PAX8: variants seen among roughly 807,000 people sequenced by gnomAD.
PAX8 encodes paired box protein Pax-8.
Under a neutral mutation model 52.4 loss-of-function variants are expected in PAX8, and 15 were observed. The observed-to-expected ratio is 0.29, with a 90% CI of 0.19 to 0.44. The LOEUF (loss-of-function observed/expected upper bound fraction) is 0.44. PAX8 is among the 20% of genes least tolerant of loss of function. The pLI, the probability that PAX8 is intolerant of heterozygous loss-of-function variation, is 1.00. For missense variants in PAX8, 554 were observed against 602.5 expected (o/e 0.92, Z 0.84); for synonymous variants, 284 against 249.7 (o/e 1.14, Z -1.29).
At chr2:113,256,616 G>GTA (rs1442506978) in intron 2 of PAX8, among the ~76,000 whole-genome samples, 4 of 69,716 alleles carry the variant, frequency 5.7e-5, no homozygotes, top group African/African-American at 3.1e-4. Flanking sequence ...ATGTGTGTGT[G>GTA]TATATATATA....
intron 9 of PAX8, 63 bp downstream of exon 9, chr2:113,235,331 C>T: frequency 7.1e-7 from 1 of 1,405,146 alleles, no homozygotes; most frequent in Non-Finnish European, 9.7e-7. Flanking sequence ...TGGCGGTCTG[C>T]CCTGAGGACC....
intron 3 of PAX8, among the ~76,000 whole-genome samples, chr2:113,245,069 C>A (rs963336273): frequency 2.7e-5 from 4 of 148,142 alleles, no homozygotes; most frequent in Non-Finnish European, 4.5e-5. Context: ...TTTTTTGAGA[C>A]AGGGTCTCAA....
rs1309181656 is a variant in PAX8, at chr2:113,218,614, A to G, written c.1277-5T>C. 1.3e-6 allele frequency: 2 copies of G among 1,546,926 alleles called. No individual in the cohort carries two copies. The highest frequency in any genetic ancestry group is 2.7e-5 in the African/African-American group (2 of 72,938). On this transcript the variant is annotated splice_polypyrimidine_tract_variant and splice_region_variant and intron_variant, in intron 11 of 11. Transcript: ENST00000429538. ...AACTGTAATAATATGGGGAACCTGG[A>G]CACATTAAAAAAAAATAACAACAAC...
Position 113,278,881 on chromosome 2 carries a change from C to T in PAX8, c.-126G>A, listed in dbSNP as rs1172903051. The stretch of plus-strand genomic sequence containing the variant: ...CTGCTTGGGTCCGCCCGCGAGGGTG[C>T]CCTGGGCCCGGTGTCTCTCCTCCTT... On this transcript the variant is annotated 5_prime_UTR_variant, in exon 1 of 12. Coordinates refer to ENST00000429538, the MANE Select transcript of PAX8 (RefSeq NM_003466.4). The T allele has an allele frequency of 2.8e-6, 3 of 1,056,750 alleles. No homozygotes were observed. The highest frequency in any genetic ancestry group is 1.0e-4 in the Admixed American group (2 of 19,368). The allele number at this position is 1,056,750 out of a possible 1,614,324, so 65.5% of individuals were successfully genotyped here.
chr2:113,274,098 G>A (rs936643646), intron 2 of PAX8: 1 of 152,178 alleles, frequency 6.6e-6, no homozygotes, highest in South Asian at 2.1e-4. Context: ...TAAGTCACAA[G>A]TCGATCTGTG....
In PAX8 at chr2:113,235,322, G is replaced by A. The variant is rs911976061; in HGVS notation, c.1087+72C>T. ...TGAGACTGAGGCCAGAGAGGGGGCT[G>A]GCGGTCTGCCCTGAGGACCCCCGTC... On this transcript the variant is annotated intron_variant, in intron 9 of 11. Transcript: ENST00000429538. 1.2e-4 allele frequency: 156 copies of A among 1,298,374 alleles called. 1 individual carries two copies. The highest frequency in any genetic ancestry group is 7.4e-4 in the South Asian group (53 of 71,476). 80.4% of individuals were successfully genotyped at this position (1,298,374 alleles called of 1,614,324 possible).
rs1191100371 is a variant in PAX8, at chr2:113,227,192, G to A, written c.1152C>T (p.Gly384=). ...CTGCGATGGCAGAGGAGGCATAGCT[G>A]CCCTGTCCGCTGGTGGGGATGTGGG... ...YPPHIPTSGQ[G]SYASSAIAGM... Residue 384 remains glycine (G), a synonymous_variant, in exon 10 of 12, where the codon GGC becomes GGT. Coordinates refer to ENST00000429538, the MANE Select transcript of PAX8 (RefSeq NM_003466.4). The A allele has an allele frequency of 1.2e-6, 2 of 1,608,782 alleles. No homozygotes were observed. The highest frequency in any genetic ancestry group is 2.2e-5 in the East Asian group (1 of 44,688).
rs1412341743 is a variant in PAX8 at position 113,278,875 on chromosome 2, A to G, written c.-120T>C. On this transcript the variant is annotated 5_prime_UTR_variant, in exon 1 of 12. Transcript: ENST00000429538. ...CCCTCACTGCTTGGGTCCGCCCGCGAGGGTGCCCTGGGCCCGGTGTCTCTC... is the reference window on the plus strand; with the variant it reads ...CCCTCACTGCTTGGGTCCGCCCGCGGGGGTGCCCTGGGCCCGGTGTCTCTC... 8 of 1,058,634 alleles carry G rather than the reference A, an allele frequency of 7.6e-6. No homozygotes were observed. Among genetic ancestry groups the G allele is most frequent in the African/African-American group, 3.3e-5 (2 of 60,144 alleles). The allele number at this position is 1,058,634 out of a possible 1,614,324, so 65.6% of individuals were successfully genotyped here. A position where few individuals can be genotyped will look rare whatever the true frequency, so the allele number is the denominator to read the frequency against.
Position 113,216,193 on chromosome 2 carries a change from ACT to A in PAX8, c.*2338_*2339del. Reference sequence around the variant, plus strand: ...ATCCCAGAGGTTTGTGGTCAGGAAGACTCTCAGATGTCATGGATTCGGAGTCG... The same window carrying A: ...ATCCCAGAGGTTTGTGGTCAGGAAGACTCAGATGTCATGGATTCGGAGTCG... On this transcript the variant is annotated 3_prime_UTR_variant, in exon 12 of 12. Coordinates refer to ENST00000429538, the MANE Select transcript of PAX8 (RefSeq NM_003466.4). 1 of 230,328 alleles carries A rather than the reference ACT, an allele frequency of 4.3e-6. No homozygotes were observed. The highest frequency in any genetic ancestry group is 1.8e-4 in the South Asian group (1 of 5,484). 14.3% of individuals were successfully genotyped at this position (230,328 alleles called of 1,614,324 possible). A position where few individuals can be genotyped will look rare whatever the true frequency, so the allele number is the denominator to read the frequency against.
intron 10 of PAX8, chr2:113,226,737 T>G: frequency 8.8e-7 from 1 of 1,134,802 alleles, no homozygotes; most frequent in Non-Finnish European, 1.1e-6. Context: ...AAACTGGGAT[T>G]CATCAGAGTT....
chr2:113,225,881 A>T, intron 10 of PAX8: 1 of 983,296 alleles, frequency 1.0e-6, no homozygotes, highest in Non-Finnish European at 1.2e-6. Flanking sequence ...CCACACTCTT[A>T]AAAAAATAAC....
At chr2:113,247,928 G>A (rs141484779) in intron 2 of PAX8, among the ~76,000 whole-genome samples, 3 of 152,276 alleles carry the variant, frequency 2.0e-5, no homozygotes, top group African/African-American at 7.2e-5. Context: ...GAGAGTTATG[G>A]GAACCACTGG....
At chr2:113,253,323 G>A (rs1691933377) in intron 2 of PAX8, among the ~76,000 whole-genome samples, 1 of 152,046 alleles carries the variant, frequency 6.6e-6, no homozygotes, top group South Asian at 2.1e-4. Context: ...ATGGCATCAT[G>A]GGCATCCCAG....
At chr2:113,242,385 G>A (rs1055837246) in intron 5 of PAX8, among the ~76,000 whole-genome samples, 2 of 152,088 alleles carry the variant, frequency 1.3e-5, no homozygotes, top group Non-Finnish European at 2.9e-5. Context: ...GCAGCAAGCC[G>A]AACCATGGAC....
chr2:113,248,932 C>G (rs1691544567), intron 2 of PAX8, among the ~76,000 whole-genome samples: 1 of 152,114 alleles, frequency 6.6e-6, no homozygotes, highest in Non-Finnish European at 1.5e-5. Flanking sequence ...CATCATTGCA[C>G]TCCAGCCTGG....
intron 10 of PAX8, chr2:113,226,026 C>T (rs1029452012): frequency 1.2e-5 from 12 of 985,614 alleles, no homozygotes; most frequent in South Asian, 4.7e-5. Flanking sequence ...TTAAGCACAT[C>T]GCCACGGTAA....
At chr2:113,245,174 G>A (rs1691211163) in intron 3 of PAX8, among the ~76,000 whole-genome samples, 1 of 151,940 alleles carries the variant, frequency 6.6e-6, no homozygotes, top group African/African-American at 2.4e-5. Context: ...AGCCTCCCGA[G>A]TAGCTGGGAT....
intron 10 of PAX8, among the ~76,000 whole-genome samples, chr2:113,224,158 C>T (rs888640161): frequency 7.3e-5 from 11 of 150,926 alleles, no homozygotes; most frequent in Non-Finnish European, 1.5e-4. Flanking sequence ...GATGAATGGA[C>T]GAATGAATAT....
chr2:113,223,837 TC>T (rs1689393208), intron 10 of PAX8, among the ~76,000 whole-genome samples: 2 of 152,182 alleles, frequency 1.3e-5, no homozygotes, highest in South Asian at 4.1e-4. Flanking sequence ...CACTGCTGTA[TC>T]CCCAGCATCC....
Sources: gnomAD v4.1 joint callset for allele counts (sites outside exome capture counted in the v4.1 genomes callset) on GRCh38, gnomAD v4.1.1 for gene constraint, MANE v1.5 for transcripts, NCBI Gene and HGNC (gene_info 2026-07-23, HGNC 2026-07-21) for gene names.